GRM3: variants seen among roughly 807,000 people sequenced by gnomAD.
GRM3 encodes the protein metabotropic glutamate receptor 3.
GRM3 carries 26 observed loss-of-function variants against 70.5 expected under a neutral mutation model. That is an observed-to-expected ratio of 0.37 (90% confidence interval 0.27 to 0.51). GRM3 has a LOEUF of 0.51. GRM3 is among the 20% of genes least tolerant of loss of function. The pLI is 0.93. For missense variants in GRM3, 859 were observed against 1,123.8 expected (o/e 0.76, Z 3.37); for synonymous variants, 443 against 434.9 (o/e 1.02, Z -0.23).
chr7:86,727,306 C>T (rs1039050103), intron 1 of GRM3, among the ~76,000 whole-genome samples: 10 of 152,144 alleles, frequency 6.6e-5, no homozygotes, highest in African/African-American at 2.2e-4. Context: ...TATAGCTCCT[C>T]TCCCAGTTCC....
intron 1 of GRM3, among the ~76,000 whole-genome samples, chr7:86,760,176 C>T (rs1344128899): frequency 6.6e-6 from 1 of 151,986 alleles, no homozygotes; most frequent in Non-Finnish European, 1.5e-5. Context: ...TTTCCTTTCC[C>T]TGGATAAACT....
intron 1 of GRM3, among the ~76,000 whole-genome samples, chr7:86,693,014 G>A (rs1374104364): frequency 6.6e-6 from 1 of 152,190 alleles, no homozygotes; most frequent in Non-Finnish European, 1.5e-5. Flanking sequence ...TCAGATGCTG[G>A]TAATATGAGC....
intron 1 of GRM3, among the ~76,000 whole-genome samples, chr7:86,736,694 G>A (rs1795868468): frequency 6.6e-6 from 1 of 152,260 alleles, no homozygotes; most frequent in African/African-American, 2.4e-5. Context: ...AAACCTTCCA[G>A]GGGAAGGTTT....
intron 1 of GRM3, among the ~76,000 whole-genome samples, chr7:86,703,329 G>A (rs942246604): frequency 2.0e-5 from 3 of 152,056 alleles, no homozygotes; most frequent in South Asian, 2.1e-4. Context: ...GGGAACCTCC[G>A]CTGTATGAAA....
In GRM3 at chr7:86,675,965, G is replaced by C. The variant is rs185505778; in HGVS notation, c.-141+31093G>C. On this transcript the variant is annotated intron_variant, in intron 1 of 5. Coordinates refer to ENST00000361669, the MANE Select transcript of GRM3 (RefSeq NM_000840.3). The stretch of plus-strand genomic sequence containing the variant: ...TTTCAATAATAAGAAAGATGTGAGA[G>C]ATAAGTGGAAAGAAACCCAAGCAAG... 1.5e-3 allele frequency among the ~76,000 whole-genome samples: 232 copies of C among 151,896 alleles called. 2 individuals are homozygous for C. The highest frequency in any genetic ancestry group is 2.2e-4 in the Non-Finnish European group (15 of 67,896).
intron 1 of GRM3, among the ~76,000 whole-genome samples, chr7:86,700,795 G>T (rs1794931013): frequency 6.6e-6 from 1 of 151,774 alleles, no homozygotes; most frequent in African/African-American, 2.4e-5. Context: ...TATTGTTTCT[G>T]CTGTCATGTG....
chr7:86,653,080 T>C (rs188431638), intron 1 of GRM3, among the ~76,000 whole-genome samples: 2 of 152,322 alleles, frequency 1.3e-5, no homozygotes, highest in East Asian at 1.9e-4. Flanking sequence ...GCGAAGTCCA[T>C]GATTAAGATT....
chr7:86,659,320 C>T (rs1167191123), intron 1 of GRM3, among the ~76,000 whole-genome samples: 1 of 152,276 alleles, frequency 6.6e-6, no homozygotes, highest in Non-Finnish European at 1.5e-5. Flanking sequence ...TGAATGTTTA[C>T]ATATGCCAGG....
At chr7:86,813,675 C>A (rs914795473) in intron 3 of GRM3, among the ~76,000 whole-genome samples, 10 of 151,648 alleles carry the variant, frequency 6.6e-5, no homozygotes. Context: ...CACATTGGTT[C>A]CTATTAATGT....
At chr7:86,756,973 C>T (rs1174824613) in intron 1 of GRM3, among the ~76,000 whole-genome samples, 2 of 152,080 alleles carry the variant, frequency 1.3e-5, no homozygotes, top group East Asian at 3.9e-4. Context: ...CTGTTGCCTC[C>T]TGTCATGAAA....
At chr7:86,748,543 C>A (rs1796157704) in intron 1 of GRM3, among the ~76,000 whole-genome samples, 1 of 152,018 alleles carries the variant, frequency 6.6e-6, no homozygotes, top group Non-Finnish European at 1.5e-5. Context: ...TAATCCCCTT[C>A]CCCAGGGACT....
chr7:86,737,290 C>T (rs1006845115), intron 1 of GRM3, among the ~76,000 whole-genome samples: 1 of 152,164 alleles, frequency 6.6e-6, no homozygotes, highest in African/African-American at 2.4e-5. Flanking sequence ...TCACAGTTAA[C>T]CTTCACAAAT....
intron 1 of GRM3, among the ~76,000 whole-genome samples, chr7:86,725,837 A>G (rs1255645096): frequency 6.6e-6 from 1 of 152,096 alleles, no homozygotes; most frequent in Non-Finnish European, 1.5e-5. Context: ...CCGCCTGGTT[A>G]TGTCCTCACA....
intron 1 of GRM3, among the ~76,000 whole-genome samples, chr7:86,689,645 A>C (rs1204138739): frequency 6.6e-6 from 1 of 152,140 alleles, no homozygotes; most frequent in Non-Finnish European, 1.5e-5. Flanking sequence ...AATTGGAAAA[A>C]AATATAAGAT....
chr7:86,647,302 C>T (rs1475885460), intron 1 of GRM3, among the ~76,000 whole-genome samples: 3 of 152,276 alleles, frequency 2.0e-5, no homozygotes, highest in East Asian at 1.9e-4. Context: ...AGTGATCAGT[C>T]GCAAAATGAA....
chr7:86,829,949 T>A (rs1451378035), intron 3 of GRM3, among the ~76,000 whole-genome samples: 1 of 152,142 alleles, frequency 6.6e-6, no homozygotes, highest in East Asian at 1.9e-4. Context: ...TGAAGCACAA[T>A]AAAGCAAAGT....
intron 2 of GRM3, among the ~76,000 whole-genome samples, chr7:86,783,206 GCA>G (rs901303457): frequency 2.0e-5 from 3 of 152,156 alleles, no homozygotes; most frequent in African/African-American, 7.2e-5. Flanking sequence ...CAGCAACTAG[GCA>G]GTCTATGGTG....
In GRM3 at chr7:86,758,828, C is replaced by T. The variant is rs142739285; in HGVS notation, c.-140-6178C>T. Among the ~76,000 whole-genome samples, 664 of 152,174 alleles carry T rather than the reference C, an allele frequency of 4.4e-3. 8 individuals carry two copies. The highest frequency in any genetic ancestry group is 6.4e-3 in the Non-Finnish European group (437 of 67,984). Reference sequence around the variant, plus strand: ...TTTGGTCAAGGTCGAATAGTGAAGTCGGCCTTTCTTCTTTTGGCCTCATCA... The same window carrying T: ...TTTGGTCAAGGTCGAATAGTGAAGTTGGCCTTTCTTCTTTTGGCCTCATCA... On this transcript the variant is annotated intron_variant, in intron 1 of 5. Transcript: ENST00000361669.
chr7:86,658,568 G>A (rs1023987803), intron 1 of GRM3, among the ~76,000 whole-genome samples: 1 of 151,992 alleles, frequency 6.6e-6, no homozygotes, highest in Non-Finnish European at 1.5e-5. Context: ...TATTATAATT[G>A]TCTCTCTCCC....
Sources: allele counts gnomAD v4.1 joint callset (sites outside exome capture counted in the v4.1 genomes callset), GRCh38; gene constraint gnomAD v4.1.1; transcripts MANE v1.5; gene names NCBI Gene and HGNC (gene_info 2026-07-23, HGNC 2026-07-21).